RASAL2: variants seen among roughly 807,000 people sequenced by gnomAD.
RASAL2 encodes the protein ras GTPase-activating protein nGAP.
RASAL2 carries 58 observed loss-of-function variants against 128.9 expected under a neutral mutation model. That is an observed-to-expected ratio of 0.45 (90% CI 0.36 to 0.56). The LOEUF is 0.56. Among genes scored for constraint, RASAL2 ranks in the 20% least tolerant of loss-of-function variants. The pLI is 0.00. For missense variants in RASAL2, 1,360 were observed against 1,601.6 expected (o/e 0.85, Z 2.57); for synonymous variants, 561 against 580.8 (o/e 0.97, Z 0.49).
At chr1:178,468,742 C>T (rs947603409) in intron 17 of RASAL2, among the ~76,000 whole-genome samples, 3 of 152,100 alleles carry the variant, frequency 2.0e-5, no homozygotes, top group Non-Finnish European at 4.4e-5. Context: ...TTTCTAGATG[C>T]CCCCAGGGTA....
Position 178,363,989 on chromosome 1 carries a change from G to A in RASAL2, c.458-26111G>A, listed in dbSNP as rs1222733140. Among the ~76,000 whole-genome samples the A allele has an allele frequency of 2.6e-5, 4 of 151,974 alleles. No homozygotes were observed. The South Asian group carries it at 6.2e-4, about 24-fold the overall frequency. On this transcript the variant is annotated intron_variant, in intron 3 of 17. Coordinates refer to ENST00000367649, the MANE Select transcript of RASAL2 (RefSeq NM_170692.4). ...CAGGCACCTGTAGTCCCAGCTACTC[G>A]GGAGGCTGAGGCAGGAGAATGGTGT...
intron 3 of RASAL2, chr1:178,372,437 G>C (rs1671771397): frequency 1.3e-6 from 1 of 789,082 alleles, no homozygotes; most frequent in Non-Finnish European, 1.5e-6. Flanking sequence ...AGGAGAAGAG[G>C]AATTAAGGGA....
chr1:178,307,658 T>C (rs985185961), intron 3 of RASAL2, among the ~76,000 whole-genome samples: 1 of 152,222 alleles, frequency 6.6e-6, no homozygotes, highest in African/African-American at 2.4e-5. Context: ...AAGTGAAAGC[T>C]GAAGAGTGGA....
rs558502159 is a variant in RASAL2 at position 178,356,239 on chromosome 1, A to T, written c.458-33861A>T. Reference sequence around the variant, plus strand: ...TCCAGATTGGCTAAGATTTAAAATCAGATGATACTAAAGTTGTCAAGCATA... The same window carrying T: ...TCCAGATTGGCTAAGATTTAAAATCTGATGATACTAAAGTTGTCAAGCATA... On this transcript the variant is annotated intron_variant, in intron 3 of 17. Coordinates refer to ENST00000367649, the MANE Select transcript of RASAL2 (RefSeq NM_170692.4). 2.0e-5 allele frequency among the ~76,000 whole-genome samples: 3 copies of T among 152,136 alleles called. No individual in the cohort carries two copies. The East Asian group carries it at 5.8e-4, about 29-fold the overall frequency.
At chr1:178,428,303 A>G (rs1163601866) in intron 5 of RASAL2, among the ~76,000 whole-genome samples, 2 of 152,044 alleles carry the variant, frequency 1.3e-5, no homozygotes, top group Non-Finnish European at 2.9e-5. Flanking sequence ...GCCCAAGAGT[A>G]TAATTGCTGG....
At chr1:178,364,765 A>G (rs1380151520) in intron 3 of RASAL2, among the ~76,000 whole-genome samples, 1 of 152,184 alleles carries the variant, frequency 6.6e-6, no homozygotes, top group Non-Finnish European at 1.5e-5. Flanking sequence ...GGCTCCAAGA[A>G]TTGTATATAC....
intron 1 of RASAL2, among the ~76,000 whole-genome samples, chr1:178,230,182 A>G (rs754967518): frequency 1.3e-5 from 2 of 152,148 alleles, no homozygotes; most frequent in Non-Finnish European, 1.5e-5. Context: ...TGAAAACACC[A>G]CAATGTATTT....
At position 178,445,660 on chromosome 1, in the gene RASAL2, T is replaced by G. The variant is rs1417728036; in HGVS notation, c.1625T>G (p.Leu542Arg). ...LVGQQYLHDA[L>R]GEFIKALYES... ...GGACAACAGTATCTTCATGACGCACTGGGTATGAAAGAGAAAAACATCTAT... is the reference window on the plus strand; with the variant it reads ...GGACAACAGTATCTTCATGACGCACGGGGTATGAAAGAGAAAAACATCTAT... The change falls in exon 9 of 18, where the codon CTG (leucine) becomes CGG (arginine). Residue 542 changes from leucine to arginine, a missense_variant and splice_region_variant. Coordinates refer to ENST00000367649, the MANE Select transcript of RASAL2 (RefSeq NM_170692.4). The G allele has an allele frequency of 6.2e-7, 1 of 1,605,802 alleles. No homozygotes were observed.
chr1:178,455,112 A>G (rs1284835891), intron 12 of RASAL2, among the ~76,000 whole-genome samples: 14 of 152,136 alleles, frequency 9.2e-5, no homozygotes, highest in Admixed American at 9.2e-4. Context: ...TCATATAATT[A>G]TTAGTGCTAA....
chr1:178,326,972 C>T (rs139739315), intron 3 of RASAL2, among the ~76,000 whole-genome samples: 16 of 152,226 alleles, frequency 1.1e-4, no homozygotes, highest in South Asian at 2.1e-4. Context: ...TAGCATTATC[C>T]CTATGGTTTA....
At chr1:178,332,123 G>A (rs1669350274) in intron 3 of RASAL2, among the ~76,000 whole-genome samples, 1 of 152,072 alleles carries the variant, frequency 6.6e-6, no homozygotes, top group African/African-American at 2.4e-5. Flanking sequence ...TTTTAATTAT[G>A]CAATAAATGA....
chr1:178,243,254 C>T (rs892847949), intron 1 of RASAL2, among the ~76,000 whole-genome samples: 5 of 152,120 alleles, frequency 3.3e-5, no homozygotes, highest in African/African-American at 4.8e-5. Context: ...GCTGGAGTTC[C>T]TACCGATCCC....
At chr1:178,330,759 T>TG (rs955007018) in intron 3 of RASAL2, among the ~76,000 whole-genome samples, 3 of 152,124 alleles carry the variant, frequency 2.0e-5, no homozygotes, top group Non-Finnish European at 2.9e-5. Context: ...CTATGTCAAA[T>TG]GGGGGGTGAA....
intron 3 of RASAL2, among the ~76,000 whole-genome samples, chr1:178,351,652 C>T (rs1670511306): frequency 6.6e-6 from 1 of 151,606 alleles, no homozygotes; most frequent in African/African-American, 2.4e-5. Context: ...TGGCGTGAAC[C>T]CGTGAGGCAG....
chr1:178,191,366 CA>C (rs1279875192), intron 1 of RASAL2, among the ~76,000 whole-genome samples: 1 of 150,736 alleles, frequency 6.6e-6, no homozygotes, highest in Non-Finnish European at 1.5e-5. Context: ...AAAACACATA[CA>C]AAAACAAGCC....
At chr1:178,459,221 A>C (rs111589393) in intron 14 of RASAL2, among the ~76,000 whole-genome samples, 10,681 of 152,136 alleles carry the variant, frequency 0.07, 1,212 homozygotes, top group African/African-American at 0.24. Flanking sequence ...TAATTTTTTT[A>C]TTGACAAATA....
At chr1:178,340,370 A>ATGTC (rs1669806688) in intron 3 of RASAL2, among the ~76,000 whole-genome samples, 1 of 152,190 alleles carries the variant, frequency 6.6e-6, no homozygotes, top group African/African-American at 2.4e-5. Context: ...TAACCTCAGC[A>ATGTC]ACTGAGCACC....
chr1:178,242,564 A>T (rs953739899), intron 1 of RASAL2, among the ~76,000 whole-genome samples: 1 of 149,550 alleles, frequency 6.7e-6, no homozygotes, highest in Non-Finnish European at 1.5e-5. Context: ...AAGTGCTGTG[A>T]TGGGATTATA....
chr1:178,100,431 C>T (rs916646329), intron 1 of RASAL2, among the ~76,000 whole-genome samples: 7 of 149,830 alleles, frequency 4.7e-5, no homozygotes, highest in South Asian at 2.1e-4. Context: ...TGCTGAGGCA[C>T]GAGAATCGCT....
Sources: gnomAD v4.1 joint callset for allele counts (sites outside exome capture counted in the v4.1 genomes callset) on GRCh38, gnomAD v4.1.1 for gene constraint, MANE v1.5 for transcripts, NCBI Gene and HGNC (gene_info 2026-07-23, HGNC 2026-07-21) for gene names.